FLRT2: variants seen among roughly 807,000 people sequenced by gnomAD.
FLRT2 encodes the protein fibronectin leucine rich transmembrane protein 2.
A neutral mutation model predicts 40.0 loss-of-function variants in FLRT2; 15 were observed. The observed-to-expected ratio is 0.38, with a 90% CI of 0.25 to 0.58. FLRT2 has a LOEUF of 0.58. Ranked by LOEUF, FLRT2 falls within the 20% of genes least tolerant of loss-of-function variation. FLRT2 has a pLI of 0.71. For missense variants in FLRT2, 726 were observed against 840.0 expected, an observed-to-expected ratio of 0.86 and a Z score of 1.68; for synonymous variants, 380 against 336.8, an observed-to-expected ratio of 1.13 and a Z score of -1.41.
chr14:85,653,245 C>A lies in FLRT2; in HGVS notation c.*29748C>A, dbSNP rs1894476125. Reference sequence around the variant, plus strand: ...TGAAATGTTTTGAGCAAAGTTGTAACCCTGCCCACAAAATAGCTTTGCTAG... The same window carrying A: ...TGAAATGTTTTGAGCAAAGTTGTAAACCTGCCCACAAAATAGCTTTGCTAG... On this transcript the variant is annotated 3_prime_UTR_variant, in exon 2 of 2. Transcript: ENST00000330753. 1 of 152,056 alleles carries A rather than the reference C, an allele frequency of 6.6e-6. No individual in the cohort carries two copies. Among genetic ancestry groups the A allele is most frequent in the Non-Finnish European group, 1.5e-5 (1 of 68,022 alleles). 9.4% of individuals were successfully genotyped at this position (152,056 alleles called of 1,614,324 possible).
chr14:85,622,292 C>A lies in FLRT2; in HGVS notation c.778C>A (p.Gln260Lys). 6.2e-7 allele frequency: 1 copy of A among 1,614,108 alleles called. No individual in the cohort carries two copies. Among genetic ancestry groups the A allele is most frequent in the African/African-American group, 1.3e-5 (1 of 75,026 alleles). The change falls in exon 2 of 2, where the codon CAG (glutamine) becomes AAG (lysine). Residue 260 changes from glutamine (Q) to lysine (K), a missense_variant. Gln to Lys is a moderately conservative substitution (Grantham distance 53, BLOSUM62 1). Transcript: ENST00000330753. Reference protein sequence around the residue: ...PGTHLIRLYLQDNQINHIPLT... With the variant: ...PGTHLIRLYLKDNQINHIPLT... Reference sequence around the variant, plus strand: ...TACGCATCTGATCAGGCTCTATTTGCAGGACAACCAGATAAACCACATTCC... The same window carrying A: ...TACGCATCTGATCAGGCTCTATTTGAAGGACAACCAGATAAACCACATTCC...
At position 85,637,071 on chromosome 14, in the gene FLRT2, A is replaced by G. The variant is rs984686325; in HGVS notation, c.*13574A>G. ...TGGTGTGACATACATTTTTAGGGAA[A>G]AACTAGCAACATGTTTTGTGGAGAT... On this transcript the variant is annotated 3_prime_UTR_variant, in exon 2 of 2. Transcript: ENST00000330753. The G allele has an allele frequency of 6.6e-6, 1 of 152,212 alleles. No homozygotes were observed. Among genetic ancestry groups the G allele is most frequent in the East Asian group, 1.9e-4 (1 of 5,204 alleles). The allele number at this position is 152,212 out of a possible 1,614,324, so 9.4% of individuals were successfully genotyped here.
At chr14:85,542,993 G>A (rs139662535) in intron 1 of FLRT2, among the ~76,000 whole-genome samples, 10 of 152,292 alleles carry the variant, frequency 6.6e-5, no homozygotes, top group Non-Finnish European at 1.2e-4. Context: ...TGAATTAACC[G>A]AAGGAGCTGG....
chr14:85,558,636 T>A (rs960460600), intron 1 of FLRT2, among the ~76,000 whole-genome samples: 23 of 152,222 alleles, frequency 1.5e-4, no homozygotes, highest in African/African-American at 5.5e-4. Context: ...CCTTGCTACC[T>A]AATGCTTTCA....
chr14:85,535,367 C>A (rs113263943), intron 1 of FLRT2, among the ~76,000 whole-genome samples: 32 of 125,408 alleles, frequency 2.6e-4, no homozygotes, highest in African/African-American at 3.5e-4. Flanking sequence ...AAAAAAAAAA[C>A]AACAACATTT....
At chr14:85,602,815 C>A (rs962745584) in intron 1 of FLRT2, among the ~76,000 whole-genome samples, 1 of 152,046 alleles carries the variant, frequency 6.6e-6, no homozygotes, top group Non-Finnish European at 1.5e-5. Context: ...TAAAATGGAA[C>A]AAATAAACCA....
At position 85,530,192 on chromosome 14, in the gene FLRT2, C is replaced by A. The variant is rs1446455214; in HGVS notation, c.-719C>A. Reference sequence around the variant, plus strand: ...CCGTCACTTGCGCGTTTGGCATTATCCATTGTCACCGCGGAGGAACGAGCG... The same window carrying A: ...CCGTCACTTGCGCGTTTGGCATTATACATTGTCACCGCGGAGGAACGAGCG... On this transcript the variant is annotated 5_prime_UTR_variant, in exon 1 of 2. Coordinates refer to ENST00000330753, the MANE Select transcript of FLRT2 (RefSeq NM_013231.6). 1 of 152,714 alleles carries A rather than the reference C, an allele frequency of 6.5e-6. No individual in the cohort carries two copies. The highest frequency in any genetic ancestry group is 6.5e-5 in the Admixed American group (1 of 15,292). The allele number at this position is 152,714 out of a possible 1,614,324, so 9.5% of individuals were successfully genotyped here.
At chr14:85,600,981 T>A (rs1220605023) in intron 1 of FLRT2, among the ~76,000 whole-genome samples, 1 of 152,172 alleles carries the variant, frequency 6.6e-6, no homozygotes, top group Admixed American at 6.5e-5. Context: ...GACTTTCATT[T>A]CATATTGTGT....
chr14:85,630,130 C>T lies in FLRT2; in HGVS notation c.*6633C>T, dbSNP rs1041406342. Reference sequence around the variant, plus strand: ...CTGAATTTATGCTCTTTTTTTTTCCCATAACATAGATAAAAATGTGTGCTT... The same window carrying T: ...CTGAATTTATGCTCTTTTTTTTTCCTATAACATAGATAAAAATGTGTGCTT... On this transcript the variant is annotated 3_prime_UTR_variant, in exon 2 of 2. Transcript: ENST00000330753. The T allele has an allele frequency of 6.6e-6, 1 of 151,830 alleles. No individual in the cohort carries two copies. Among genetic ancestry groups the T allele is most frequent in the Non-Finnish European group, 1.5e-5 (1 of 67,978 alleles). The allele number at this position is 151,830 out of a possible 1,614,324, so 9.4% of individuals were successfully genotyped here.
chr14:85,623,493 C>T lies in FLRT2; in HGVS notation c.1979C>T (p.Thr660Met), dbSNP rs1893526738. ...SSVPDLEHCHT is the reference protein window; with the variant it reads ...SSVPDLEHCHM The stretch of plus-strand genomic sequence containing the variant: ...GTGCCAGACCTGGAGCACTGCCATA[C>T]GTGACAGCCAGAGGCCCAGCGTTAT... The change falls in exon 2 of 2, where the codon ACG becomes ATG. Residue 660 changes from threonine (T) to methionine (M), a missense_variant. Physicochemically the swap from Thr to Met is moderately conservative, Grantham distance 81 (BLOSUM62 -1). Coordinates refer to ENST00000330753, the MANE Select transcript of FLRT2 (RefSeq NM_013231.6). 1.4e-6 allele frequency: 2 copies of T among 1,428,496 alleles called. No individual in the cohort carries two copies. Among genetic ancestry groups the T allele is most frequent in the Non-Finnish European group, 9.2e-7 (1 of 1,089,378 alleles). The allele number at this position is 1,428,496 out of a possible 1,614,324, so 88.5% of individuals were successfully genotyped here. A position where few individuals can be genotyped will look rare whatever the true frequency, so the allele number is the denominator to read the frequency against.
rs1555372972 is a variant in FLRT2 at position 85,631,112 on chromosome 14, T to TTTATATATATATATATATATATATA, written c.*7616_*7617insTATATATATATATATATATATATAT. The TTTATATATATATATATATATATATA allele has an allele frequency of 1.1e-5, 1 of 91,886 alleles. No individual in the cohort carries two copies. The highest frequency in any genetic ancestry group is 6.0e-5 in the African/African-American group (1 of 16,796). 5.7% of individuals were successfully genotyped at this position (91,886 alleles called of 1,614,324 possible). A position where few individuals can be genotyped will look rare whatever the true frequency, so the allele number is the denominator to read the frequency against. ...TATAATTACATATATAATCTAGATT[T>TTTATATATATATATATATATATATA]TATATATATATATATATGAAATGAG... On this transcript the variant is annotated 3_prime_UTR_variant, in exon 2 of 2. Transcript: ENST00000330753.
chr14:85,651,477 A>C lies in FLRT2; in HGVS notation c.*27980A>C, dbSNP rs575886107. The C allele has an allele frequency of 1.5e-3, 224 of 152,148 alleles. No individual in the cohort carries two copies. Among genetic ancestry groups the C allele is most frequent in the African/African-American group, 5.2e-3 (214 of 41,522 alleles). The allele number at this position is 152,148 out of a possible 1,614,324, so 9.4% of individuals were successfully genotyped here. A position where few individuals can be genotyped will look rare whatever the true frequency, so the allele number is the denominator to read the frequency against. On this transcript the variant is annotated 3_prime_UTR_variant, in exon 2 of 2. Transcript: ENST00000330753. ...TGTGAATTATTGAGATAATGGGTTA[A>C]ATGTATGTGCCTGTGTCCATTTATT... is the stretch of plus-strand genomic sequence containing the variant.
chr14:85,608,449 G>A (rs945912620), intron 1 of FLRT2, among the ~76,000 whole-genome samples: 13 of 151,982 alleles, frequency 8.6e-5, no homozygotes, highest in African/African-American at 3.1e-4. Flanking sequence ...GACCAGGCTG[G>A]TCTTGAACTC....
intron 1 of FLRT2, among the ~76,000 whole-genome samples, chr14:85,618,893 A>T (rs982348844): frequency 6.6e-6 from 1 of 152,060 alleles, no homozygotes; most frequent in African/African-American, 2.4e-5. Flanking sequence ...GATGTTAGGG[A>T]ACATTAAGAT....
chr14:85,621,967 A>G lies in FLRT2; in HGVS notation c.453A>G (p.Glu151=), dbSNP rs1356390568. 34 of 1,600,878 alleles carry G rather than the reference A, an allele frequency of 2.1e-5. No individual in the cohort carries two copies. The highest frequency in any genetic ancestry group is 2.8e-5 in the Non-Finnish European group (33 of 1,173,466). ...DDNSISTVGV[E]DGAFREAISL... ...ACTCCATATCCACAGTGGGGGTGGAAGACGGGGCCTTCCGGGAGGCTATTA... is the reference window on the plus strand; with the variant it reads ...ACTCCATATCCACAGTGGGGGTGGAGGACGGGGCCTTCCGGGAGGCTATTA... Residue 151 remains glutamate (E), a synonymous_variant, in exon 2 of 2, where the codon GAA becomes GAG. Coordinates refer to ENST00000330753, the MANE Select transcript of FLRT2 (RefSeq NM_013231.6).
intron 1 of FLRT2, among the ~76,000 whole-genome samples, chr14:85,573,905 A>G (rs1217693388): frequency 6.6e-6 from 1 of 152,226 alleles, no homozygotes; most frequent in Non-Finnish European, 1.5e-5. Context: ...CCATCAGAGA[A>G]ATCTGGCTTG....
At chr14:85,616,517 AT>A (rs532178938) in intron 1 of FLRT2, among the ~76,000 whole-genome samples, 7 of 152,158 alleles carry the variant, frequency 4.6e-5, no homozygotes, top group Non-Finnish European at 1.0e-4. Flanking sequence ...TGCAGTTAAC[AT>A]TTTTTTCCTT....
chr14:85,560,618 T>C (rs1261922386), intron 1 of FLRT2, among the ~76,000 whole-genome samples: 1 of 147,266 alleles, frequency 6.8e-6, no homozygotes, highest in Non-Finnish European at 1.5e-5. Flanking sequence ...AAATAAAAAA[T>C]AAAGAAAAAA....
intron 1 of FLRT2, among the ~76,000 whole-genome samples, chr14:85,557,915 G>T (rs1472947107): frequency 6.6e-6 from 1 of 152,140 alleles, no homozygotes; most frequent in Non-Finnish European, 1.5e-5. Context: ...CATGGTAGAA[G>T]GAAAATGGTG....
Sources: gnomAD v4.1 joint callset for allele counts (sites outside exome capture counted in the v4.1 genomes callset) on GRCh38, gnomAD v4.1.1 for gene constraint, MANE v1.5 for transcripts, NCBI Gene and HGNC (gene_info 2026-07-23, HGNC 2026-07-21) for gene names.